G3BP2: variants seen among roughly 807,000 people sequenced by gnomAD.
G3BP2 encodes the protein G3BP stress granule assembly factor 2, also known as ras GTPase-activating protein-binding protein 2.
G3BP2 carries 11 observed loss-of-function variants against 56.7 expected under a neutral mutation model. The observed-to-expected ratio is 0.19, with a 90% CI of 0.12 to 0.32. G3BP2 has a LOEUF of 0.32. Ranked by LOEUF, G3BP2 falls within the 10% of genes least tolerant of loss-of-function variation. G3BP2 has a pLI of 1.00. For synonymous variants in G3BP2, 165 were observed against 191.6 expected (o/e 0.86, Z 1.15); for missense variants, 340 against 610.9 (o/e 0.56, Z 4.67).
At chr4:75,715,963 C>T (rs779436174) in intron 3 of G3BP2, among the ~76,000 whole-genome samples, 1 of 152,092 alleles carries the variant, frequency 6.6e-6, no homozygotes, top group Non-Finnish European at 1.5e-5. Context: ...TGAAGGAGAC[C>T]GGCTGCTGCA....
intron 3 of G3BP2, among the ~76,000 whole-genome samples, chr4:75,708,863 T>G (rs879294199): frequency 1.3e-5 from 2 of 151,598 alleles, no homozygotes; most frequent in African/African-American, 2.4e-5. Flanking sequence ...GTAATCCCAG[T>G]ACTTTGGGAA....
At chr4:75,654,238 T>C (rs1731916044) in intron 7 of G3BP2, among the ~76,000 whole-genome samples, 157 bp from the exon 8 acceptor site, 1 of 152,268 alleles carries the variant, frequency 6.6e-6, no homozygotes, top group African/African-American at 2.4e-5. Flanking sequence ...TGCCAGTCTA[T>C]GTGCCAGCTT....
chr4:75,693,486 T>G (rs1350583398), intron 3 of G3BP2, among the ~76,000 whole-genome samples: 2 of 147,218 alleles, frequency 1.4e-5, no homozygotes, highest in Non-Finnish European at 3.0e-5. Flanking sequence ...TTTTTTTTGT[T>G]TTTTTTTTTA....
intron 3 of G3BP2, among the ~76,000 whole-genome samples, chr4:75,705,643 A>C (rs1268131825): frequency 6.6e-6 from 1 of 152,158 alleles, no homozygotes; most frequent in Non-Finnish European, 1.5e-5. Flanking sequence ...AGAGTGAGGG[A>C]CAAAGGCATC....
intron 1 of G3BP2, 133 bp downstream of exon 1, chr4:75,673,075 G>A: frequency 2.0e-6 from 2 of 1,020,310 alleles, no homozygotes; most frequent in South Asian, 4.6e-5. Context: ...GAGCCGGCAA[G>A]AACAATGTCT....
At chr4:75,707,502 G>A (rs913183454) in intron 3 of G3BP2, among the ~76,000 whole-genome samples, 3 of 151,370 alleles carry the variant, frequency 2.0e-5, no homozygotes, top group African/African-American at 7.3e-5. Context: ...CCAGCTACTC[G>A]GAGAGGCTGA....
intron 10 of G3BP2, among the ~76,000 whole-genome samples, 186 bp downstream of exon 10, chr4:75,646,843 A>C (rs1731240588): frequency 6.6e-6 from 1 of 152,212 alleles, no homozygotes; most frequent in Admixed American, 6.5e-5. Flanking sequence ...ATCAACACTA[A>C]GCAGTCACTG....
chr4:75,655,223 T>C lies in G3BP2; in HGVS notation c.569A>G (p.Glu190Gly), dbSNP rs1310724610. Reference sequence around the variant, plus strand: ...AGGTTCAGGTTCATGAGAGGATTCTTCCAAAGGCTCCTCTATGCCATTACT... The same window carrying C: ...AGGTTCAGGTTCATGAGAGGATTCTCCCAAAGGCTCCTCTATGCCATTACT... ...PVTNGIEEPL[E>G]ESSHEPEPEP... Residue 190 changes from glutamate (E) to glycine (G), a missense_variant, in exon 7 of 12, where the codon GAA becomes GGA. Glu to Gly is a moderately conservative substitution (Grantham distance 98, BLOSUM62 -2). Transcript: ENST00000359707. The C allele has an allele frequency of 6.2e-7, 1 of 1,612,718 alleles. No homozygotes were observed. Among genetic ancestry groups the C allele is most frequent in the Non-Finnish European group, 8.5e-7 (1 of 1,179,004 alleles).
intron 2 of G3BP2, among the ~76,000 whole-genome samples, chr4:75,660,907 G>GA (rs961935997): frequency 1.3e-5 from 2 of 151,912 alleles, no homozygotes; most frequent in African/African-American, 2.4e-5. Context: ...TCAATCTCTG[G>GA]AAAAAACAAG....
At chr4:75,693,908 T>G in intron 3 of G3BP2, among the ~76,000 whole-genome samples, 1 of 152,066 alleles carries the variant, frequency 6.6e-6, no homozygotes, top group South Asian at 2.1e-4. Flanking sequence ...GCTAATTTTT[T>G]TTTTTTAATT....
At chr4:75,678,738 T>G (rs1733969570) in intron 3 of G3BP2, among the ~76,000 whole-genome samples, 1 of 152,220 alleles carries the variant, frequency 6.6e-6, no homozygotes, top group Non-Finnish European at 1.5e-5. Flanking sequence ...GGTATATCAC[T>G]ATAGGCAGGA....
At chr4:75,646,255 T>C (rs1731202232) in intron 11 of G3BP2, 83 bp downstream of exon 11, 3 of 693,462 alleles carry the variant, frequency 4.3e-6, no homozygotes, top group African/African-American at 3.8e-5. Context: ...TATTAAAAGA[T>C]TTTCTATGGT....
intron 3 of G3BP2, among the ~76,000 whole-genome samples, chr4:75,693,666 G>A (rs980329204): frequency 6.6e-6 from 1 of 151,820 alleles, no homozygotes; most frequent in African/African-American, 2.4e-5. Context: ...GCGGGCACCT[G>A]TAATCCCAGC....
At chr4:75,684,449 TAAAA>T (rs921077821) in intron 3 of G3BP2, among the ~76,000 whole-genome samples, 20 of 151,642 alleles carry the variant, frequency 1.3e-4, no homozygotes, top group Non-Finnish European at 2.7e-4. Flanking sequence ...AAATCATAAA[TAAAA>T]AAATAAAAAA....
At chr4:75,704,880 G>A (rs570011679) in intron 3 of G3BP2, among the ~76,000 whole-genome samples, 2 of 152,148 alleles carry the variant, frequency 1.3e-5, no homozygotes, top group South Asian at 2.1e-4. Flanking sequence ...TGACCCACCC[G>A]CCTTGGCCTC....
intron 3 of G3BP2, among the ~76,000 whole-genome samples, chr4:75,685,179 A>G (rs1718537579): frequency 6.8e-6 from 1 of 146,390 alleles, no homozygotes; most frequent in South Asian, 2.4e-4. Flanking sequence ...CACTTTTTTA[A>G]AAGTTTATTA....
chr4:75,701,572 G>GCATGCACCA (rs1490491948), intron 3 of G3BP2, among the ~76,000 whole-genome samples: 3 of 152,114 alleles, frequency 2.0e-5, no homozygotes, highest in Non-Finnish European at 4.4e-5. Flanking sequence ...GGGATTACAG[G>GCATGCACCA]CATGCACCAC....
intron 3 of G3BP2, among the ~76,000 whole-genome samples, chr4:75,714,654 A>G (rs1719870673): frequency 6.6e-6 from 1 of 152,178 alleles, no homozygotes; most frequent in Non-Finnish European, 1.5e-5. Context: ...GAAATGATAA[A>G]GCAAATGGGG....
chr4:75,683,887 A>G (rs902740367), intron 3 of G3BP2, among the ~76,000 whole-genome samples: 2 of 152,174 alleles, frequency 1.3e-5, no homozygotes, highest in Admixed American at 6.5e-5. Context: ...GAGAACCAAA[A>G]GTTATTGACC....
Sources: allele counts gnomAD v4.1 joint callset (sites outside exome capture counted in the v4.1 genomes callset), GRCh38; gene constraint gnomAD v4.1.1; transcripts MANE v1.5; gene names NCBI Gene and HGNC (gene_info 2026-07-23, HGNC 2026-07-21).